Variants in GRIP1 observed in about 807,000 individuals in gnomAD.
GRIP1 encodes glutamate receptor-interacting protein 1.
Under a neutral mutation model 129.9 loss-of-function variants are expected in GRIP1, and 45 were observed. The ratio of observed to expected loss-of-function variants is 0.35; its 90% CI spans 0.27 to 0.44. The LOEUF (loss-of-function observed/expected upper bound fraction) is 0.44, where lower values mean the gene tolerates loss of function less well. Among genes scored for constraint, GRIP1 ranks in the 20% least tolerant of loss-of-function variants. The pLI is 1.00. For synonymous variants in GRIP1, 530 were observed against 520.8 expected (o/e 1.02, Z -0.24); for missense variants, 1,196 against 1,396.8 (o/e 0.86, Z 2.29).
intron 1 of GRIP1, among the ~76,000 whole-genome samples, chr12:66,636,728 TG>T (rs2031422972): frequency 2.1e-5 from 3 of 142,106 alleles, no homozygotes; most frequent in Admixed American, 6.9e-5. Flanking sequence ...TGTGTGTGTG[TG>T]TGTGTGTGTG....
chr12:66,536,188 G>A (rs951263392), intron 4 of GRIP1, among the ~76,000 whole-genome samples: 4 of 152,064 alleles, frequency 2.6e-5, no homozygotes, highest in African/African-American at 7.2e-5. Flanking sequence ...CTCTCACATG[G>A]ATCACTGTAA....
chr12:66,722,039 AAC>A, intron 1 of GRIP1, among the ~76,000 whole-genome samples: 1 of 152,324 alleles, frequency 6.6e-6, no homozygotes, highest in South Asian at 2.1e-4. Context: ...AAACCATTAA[AAC>A]TTTCTCCGTA....
chr12:66,736,346 A>ATTTTTTTTTTTTTTT lies in GRIP1; in HGVS notation c.-420+67692_-420+67706dup, dbSNP rs547706592. ...AGGTGTGCACCACCGTGCCTGGCTAATTTTTTTTTTTTTTTTTTTTTTTTT... is the reference window on the plus strand; with the variant it reads ...AGGTGTGCACCACCGTGCCTGGCTAATTTTTTTTTTTTTTTTTTTTTTTTTTTTTTTTTTTTTTTT... On this transcript the variant is annotated intron_variant, in intron 1 of 4. Transcript: ENST00000538373. 1.8e-4 allele frequency among the ~76,000 whole-genome samples: 12 copies of ATTTTTTTTTTTTTTT among 67,010 alleles called. 1 individual carries two copies. The highest frequency in any genetic ancestry group is 2.7e-4 in the Non-Finnish European group (10 of 36,448). The allele number at this position is 67,010 out of a possible 152,430, so 44.0% of individuals were successfully genotyped here.
intron 1 of GRIP1, among the ~76,000 whole-genome samples, chr12:66,827,385 T>TGA (rs1349679049): frequency 1.4e-5 from 1 of 71,496 alleles, no homozygotes; most frequent in African/African-American, 4.0e-5. Flanking sequence ...TGTGTGTGTG[T>TGA]GTGAGAGAGA....
chr12:66,585,877 G>GT (rs1170461613), intron 2 of GRIP1, among the ~76,000 whole-genome samples: 1 of 152,000 alleles, frequency 6.6e-6, no homozygotes, highest in Non-Finnish European at 1.5e-5. Context: ...TTTTTCATGT[G>GT]TTTTTTGGCT....
intron 1 of GRIP1, among the ~76,000 whole-genome samples, chr12:66,782,916 T>C (rs1163062925): frequency 2.0e-5 from 3 of 152,210 alleles, no homozygotes; most frequent in Non-Finnish European, 4.4e-5. Context: ...ATCAGTTAAG[T>C]AGAGATGCCA....
At chr12:66,580,354 G>C (rs2063326261) in intron 2 of GRIP1, among the ~76,000 whole-genome samples, 1 of 149,266 alleles carries the variant, frequency 6.7e-6, no homozygotes, top group African/African-American at 2.5e-5. Context: ...ATCAACTAAC[G>C]AGCAAAATCA....
At chr12:66,691,482 T>C (rs2034980142) in intron 1 of GRIP1, among the ~76,000 whole-genome samples, 1 of 152,194 alleles carries the variant, frequency 6.6e-6, no homozygotes, top group Admixed American at 6.5e-5. Context: ...CATATACTTT[T>C]CCAAAGTTAG....
intron 1 of GRIP1, among the ~76,000 whole-genome samples, chr12:67,012,711 A>G (rs1299364599): frequency 1.3e-5 from 2 of 152,164 alleles, no homozygotes; most frequent in African/African-American, 4.8e-5. Flanking sequence ...AGAGCTGTGA[A>G]TTGTTTTCTT....
At chr12:66,735,566 AT>A (rs527875046) in intron 1 of GRIP1, among the ~76,000 whole-genome samples, 227 of 152,260 alleles carry the variant, frequency 1.5e-3, no homozygotes, top group African/African-American at 5.2e-3. Context: ...AAAAGGGAAA[AT>A]CTGATTAAAC....
intron 1 of GRIP1, among the ~76,000 whole-genome samples, chr12:66,657,727 A>G (rs929767550): frequency 2.0e-5 from 3 of 152,104 alleles, no homozygotes; most frequent in Non-Finnish European, 4.4e-5. Flanking sequence ...TTTCCTTTCC[A>G]CTGCATTTTA....
chr12:66,521,644 G>A (rs2061007035), intron 5 of GRIP1, among the ~76,000 whole-genome samples: 1 of 152,190 alleles, frequency 6.6e-6, no homozygotes, highest in Non-Finnish European at 1.5e-5. Flanking sequence ...GGGAGTGCCA[G>A]ACAGTGGGTG....
At position 66,392,519 on chromosome 12, in the gene GRIP1, GGAGT is replaced by G. The variant is rs1267365598; in HGVS notation, c.2270-21_2270-18del. The G allele has an allele frequency of 6.2e-7, 1 of 1,610,786 alleles. No homozygotes were observed. Among genetic ancestry groups the G allele is most frequent in the Admixed American group, 1.7e-5 (1 of 59,992 alleles). On this transcript the variant is annotated intron_variant, in intron 18 of 24. Coordinates refer to ENST00000359742, the MANE Select transcript of GRIP1 (RefSeq NM_001366722.1). ...CTGACTGGGCTTTATAGACAGGAAA[GGAGT>G]TTAAGTATCAGAGTAAATTTAAATA... is the stretch of plus-strand genomic sequence containing the variant.
At chr12:66,567,588 G>C (rs1184377007) in intron 2 of GRIP1, 5 of 172,176 alleles carry the variant, frequency 2.9e-5, no homozygotes, top group Non-Finnish European at 6.5e-5. Context: ...CCTTCTAAAG[G>C]CAGTGAGATT....
intron 1 of GRIP1, among the ~76,000 whole-genome samples, chr12:66,704,036 C>A (rs1209196163): frequency 1.3e-5 from 2 of 151,780 alleles, no homozygotes; most frequent in Non-Finnish European, 2.9e-5. Context: ...AATAGATAGA[C>A]CTAAAGCAGA....
chr12:66,360,169 C>T (rs1468286788), intron 23 of GRIP1, among the ~76,000 whole-genome samples: 1 of 134,308 alleles, frequency 7.4e-6, no homozygotes, highest in Non-Finnish European at 1.6e-5. Flanking sequence ...GTTCTTTCCA[C>T]CAAATCATGA....
chr12:66,897,450 T>G (rs2040768873), intron 1 of GRIP1, among the ~76,000 whole-genome samples: 1 of 152,210 alleles, frequency 6.6e-6, no homozygotes, highest in Admixed American at 6.5e-5. Flanking sequence ...CTGCACATGC[T>G]ATAATACCAT....
chr12:66,629,378 A>T (rs2030483142), intron 1 of GRIP1, among the ~76,000 whole-genome samples: 1 of 152,222 alleles, frequency 6.6e-6, no homozygotes, highest in Non-Finnish European at 1.5e-5. Flanking sequence ...GAGTTATCAG[A>T]GTGGCACTGT....
chr12:66,457,746 AT>A (rs1266424065), intron 9 of GRIP1, among the ~76,000 whole-genome samples: 2 of 152,108 alleles, frequency 1.3e-5, no homozygotes, highest in African/African-American at 4.8e-5. Context: ...GAAACAGGAC[AT>A]GAAAAAAAAA....
Sources: allele counts gnomAD v4.1 joint callset (sites outside exome capture counted in the v4.1 genomes callset), GRCh38; gene constraint gnomAD v4.1.1; transcripts MANE v1.5; gene names NCBI Gene and HGNC (gene_info 2026-07-23, HGNC 2026-07-21).